The following PMF1 variants were observed in gnomAD, a reference collection of about 807,000 sequenced individuals.
The protein encoded by PMF1 is polyamine modulated factor 1, also known as polyamine-modulated factor 1.
In PMF1, 21 loss-of-function variants were observed where a neutral mutation model predicts 26.7. The observed-to-expected ratio is 0.79, with a 90% confidence interval of 0.56 to 1.13. PMF1 has a LOEUF of 1.13. Ranked by LOEUF, PMF1 falls within the 50% of genes most tolerant of loss-of-function variation. PMF1 has a pLI of 0.00. For missense variants in PMF1, 266 were observed against 254.9 expected (o/e 1.04, Z -0.30); for synonymous variants, 105 against 101.0 (o/e 1.04, Z -0.24).
At chr1:156,225,092 G>A (rs937971082) in intron 1 of PMF1, among the ~76,000 whole-genome samples, 1 of 151,948 alleles carries the variant, frequency 6.6e-6, no homozygotes, top group African/African-American at 2.4e-5. Context: ...TAGAGAGGAG[G>A]TTTTGCCATA....
At chr1:156,232,495 G>A in intron 2 of PMF1, 70 bp downstream of exon 2, 1 of 1,478,972 alleles carries the variant, frequency 6.8e-7, no homozygotes, top group African/African-American at 1.4e-5. Context: ...TCCCCTGAGG[G>A]CAGTGGCCCC....
chr1:156,218,818 T>C (rs1202859663), intron 1 of PMF1, among the ~76,000 whole-genome samples: 1 of 152,040 alleles, frequency 6.6e-6, no homozygotes, highest in Admixed American at 6.5e-5. Flanking sequence ...AGATATTGCC[T>C]AATCCGTTTT....
At chr1:156,217,587 G>A (rs544653370) in intron 1 of PMF1, among the ~76,000 whole-genome samples, 33 of 152,176 alleles carry the variant, frequency 2.2e-4, no homozygotes, top group Admixed American at 5.2e-4. Context: ...TTAACCGGGT[G>A]TCATAATGCC....
At chr1:156,213,454 A>G (rs1253080809) in intron 1 of PMF1, among the ~76,000 whole-genome samples, 1 of 152,202 alleles carries the variant, frequency 6.6e-6, no homozygotes, top group Non-Finnish European at 1.5e-5. Context: ...AGCCTTTGCA[A>G]ATTAGAGCAG....
intron 1 of PMF1, among the ~76,000 whole-genome samples, chr1:156,228,256 A>ATTTGTT (rs1658489554): frequency 3.0e-5 from 1 of 33,546 alleles, no homozygotes; most frequent in Non-Finnish European, 5.7e-5. Context: ...GCACCTGGCG[A>ATTTGTT]TTTTTTTTTT....
In PMF1 at chr1:156,236,316, C is replaced by T; in HGVS notation, c.397C>T (p.Leu133=). ...CCCCAGCGGGATCCCAGAGAAGGAT[C>T]TGCACAGTGTTATGGCACCCTACTT... is the stretch of plus-strand genomic sequence containing the variant. ...WRPSGIPEKD[L]HSVMAPYFLQ... The change falls in exon 4 of 5, where the codon CTG becomes TTG. Residue 133 remains leucine (L), a synonymous_variant. Transcript: ENST00000368277. The T allele has an allele frequency of 6.2e-7, 1 of 1,614,008 alleles. No individual in the cohort carries two copies. The highest frequency in any genetic ancestry group is 8.5e-7 in the Non-Finnish European group (1 of 1,179,864).
intron 2 of PMF1, 23 bp from the exon 3 acceptor site, chr1:156,233,605 G>C (rs1256451462): frequency 7.4e-6 from 12 of 1,611,402 alleles, no homozygotes; most frequent in African/African-American, 1.3e-5. Flanking sequence ...TGTCATTACA[G>C]CTCTTTCCTC....
At chr1:156,218,569 C>T in intron 1 of PMF1, among the ~76,000 whole-genome samples, 1 of 152,104 alleles carries the variant, frequency 6.6e-6, no homozygotes, top group Non-Finnish European at 1.5e-5. Context: ...ATCACGAGGT[C>T]AAGAGATTGA....
intron 1 of PMF1, among the ~76,000 whole-genome samples, chr1:156,222,292 G>A (rs184719746): frequency 9.2e-5 from 14 of 152,254 alleles, no homozygotes; most frequent in African/African-American, 3.1e-4. Flanking sequence ...CTCCTCAGTA[G>A]AACATCCTTC....
At chr1:156,218,721 G>A (rs1429276612) in intron 1 of PMF1, among the ~76,000 whole-genome samples, 1 of 151,994 alleles carries the variant, frequency 6.6e-6, no homozygotes, top group African/African-American at 2.4e-5. Flanking sequence ...GGCGGAGGTT[G>A]CAGTGAGCTG....
intron 3 of PMF1, among the ~76,000 whole-genome samples, chr1:156,234,964 C>T (rs981214393): frequency 6.6e-6 from 1 of 152,094 alleles, no homozygotes; most frequent in African/African-American, 2.4e-5. Flanking sequence ...GAGCAGGGGC[C>T]AGCAAGACCC....
At position 156,213,034 on chromosome 1, in the gene PMF1, G is replaced by C; in HGVS notation, c.19G>C (p.Ala7Pro). 1 of 1,614,202 alleles carries C rather than the reference G, an allele frequency of 6.2e-7. No homozygotes were observed. ...CTTCAACATGGCCGAAGCAAGTAGC[G>C]CCAATCTAGGCAGCGGCTGTGAGGA... MAEASS[A>P]NLGSGCEEKR... The change falls in exon 1 of 5, where the codon GCC becomes CCC. Residue 7 changes from alanine (A) to proline (P), a missense_variant. Physicochemically the swap from Ala to Pro is conservative, Grantham distance 27. Transcript: ENST00000368277.
chr1:156,219,507 C>T (rs1257639667), intron 1 of PMF1, among the ~76,000 whole-genome samples: 1 of 152,216 alleles, frequency 6.6e-6, no homozygotes, highest in Non-Finnish European at 1.5e-5. Flanking sequence ...ATCTGCCTGT[C>T]TCTGCCAGTG....
At chr1:156,214,844 G>A (rs1055300145) in intron 1 of PMF1, among the ~76,000 whole-genome samples, 7 of 151,210 alleles carry the variant, frequency 4.6e-5, no homozygotes, top group African/African-American at 1.5e-4. Flanking sequence ...GAACTTGAAG[G>A]ATGAGAAGGA....
At chr1:156,235,435 A>C (rs551241140) in intron 3 of PMF1, among the ~76,000 whole-genome samples, 1,507 of 69,280 alleles carry the variant, frequency 0.022, 41 homozygotes, top group Middle Eastern at 0.06. Context: ...TTGAAAAATA[A>C]TTTTTTTTTT....
intron 1 of PMF1, among the ~76,000 whole-genome samples, chr1:156,225,361 C>G (rs566612967): frequency 8.5e-6 from 1 of 117,844 alleles, no homozygotes; most frequent in Admixed American, 1.2e-4. Context: ...TGGATAAGTT[C>G]TTTAGCGGTG....
intron 1 of PMF1, among the ~76,000 whole-genome samples, chr1:156,213,553 C>T (rs1224391831): frequency 6.6e-6 from 1 of 151,586 alleles, no homozygotes; most frequent in Non-Finnish European, 1.5e-5. Context: ...CAGACTCGAC[C>T]TCCTGGGCTC....
intron 1 of PMF1, 24 bp downstream of exon 1, chr1:156,213,200 G>C (rs770738421): frequency 6.2e-7 from 1 of 1,608,270 alleles, no homozygotes; most frequent in Non-Finnish European, 8.5e-7. Context: ...AGCCGCGGTG[G>C]GAGTGTTTGT....
chr1:156,221,723 A>C (rs1295781075), intron 1 of PMF1, among the ~76,000 whole-genome samples: 1 of 152,206 alleles, frequency 6.6e-6, no homozygotes, highest in Non-Finnish European at 1.5e-5. Context: ...TCATCAGCTC[A>C]GCATGGGAAC....
Sources: allele counts gnomAD v4.1 joint callset (sites outside exome capture counted in the v4.1 genomes callset), GRCh38; gene constraint gnomAD v4.1.1; transcripts MANE v1.5; gene names NCBI Gene and HGNC (gene_info 2026-07-23, HGNC 2026-07-21).